Variants in NIBAN2 observed in about 807,000 individuals in gnomAD.
The protein encoded by NIBAN2 is protein Niban 2.
Under a neutral mutation model 81.8 loss-of-function variants are expected in NIBAN2, and 36 were observed. That is an observed-to-expected ratio of 0.44 (90% CI 0.34 to 0.58). NIBAN2 has a LOEUF of 0.58. Ranked by LOEUF, NIBAN2 falls within the 20% of genes least tolerant of loss-of-function variation. The pLI, the probability that NIBAN2 is intolerant of heterozygous loss-of-function variation, is 0.02. For synonymous variants in NIBAN2, 445 were observed against 441.6 expected (o/e 1.01, Z -0.10); for missense variants, 897 against 1,014.1 (o/e 0.88, Z 1.57).
At chr9:127,523,190 AAAATATATATATATATATATATATATAT>A (rs1836984486) in intron 5 of NIBAN2, among the ~76,000 whole-genome samples, 2 of 22,990 alleles carry the variant, frequency 8.7e-5, no homozygotes, top group Admixed American at 6.2e-4. Context: ...AAAAAAAAAA[AAAATATATATATATATATATATATATAT>A]ATATATATAT....
intron 1 of NIBAN2, among the ~76,000 whole-genome samples, chr9:127,542,313 G>A (rs564969757): frequency 2.0e-4 from 31 of 152,164 alleles, no homozygotes; most frequent in Non-Finnish European, 4.3e-4. Context: ...CTGGGTGGGA[G>A]CCCTCCACCT....
At chr9:127,552,890 C>T (rs527492114) in intron 1 of NIBAN2, among the ~76,000 whole-genome samples, 7 of 152,108 alleles carry the variant, frequency 4.6e-5, no homozygotes, top group Non-Finnish European at 8.8e-5. Context: ...CAGGGTTTCA[C>T]TATGTTGGCC....
chr9:127,565,227 G>A (rs1177529402), intron 1 of NIBAN2, among the ~76,000 whole-genome samples: 1 of 152,016 alleles, frequency 6.6e-6, no homozygotes, highest in African/African-American at 2.4e-5. Context: ...CTCCCAAAGT[G>A]CTGAGATTAC....
chr9:127,569,638 C>T (rs1344088042), upstream of NIBAN2, among the ~76,000 whole-genome samples: 3 of 152,010 alleles, frequency 2.0e-5, no homozygotes, highest in African/African-American at 4.8e-5. Context: ...CCCCAAGTCC[C>T]GCCCGCCACT....
intron 5 of NIBAN2, among the ~76,000 whole-genome samples, chr9:127,521,869 G>C (rs1836949679): frequency 6.6e-6 from 1 of 152,186 alleles, no homozygotes; most frequent in Non-Finnish European, 1.5e-5. Flanking sequence ...CCACGGCCAA[G>C]TGCCCCACCC....
rs1315273277 is a variant in NIBAN2, at chr9:127,515,525, AAAAAAAAAAAAAAACAAAC to A, written c.973+1313_973+1331del. ...GACAGAGCGAGACTCCGTCTCAAAA[AAAAAAAAAAAAAAACAAAC>A]AAAAAAAACAGGCCAGGCACAGTGG... is the stretch of plus-strand genomic sequence containing the variant. On this transcript the variant is annotated intron_variant, in intron 8 of 13. Coordinates refer to ENST00000373312, the MANE Select transcript of NIBAN2 (RefSeq NM_022833.4). 4.7e-3 allele frequency among the ~76,000 whole-genome samples: 314 copies of A among 67,466 alleles called. 3 individuals are homozygous for A. In the East Asian group the frequency reaches 0.05, roughly 11 times the overall value. The allele number at this position is 67,466 out of a possible 152,430, so 44.3% of individuals were successfully genotyped here. A position where few individuals can be genotyped will look rare whatever the true frequency, so the allele number is the denominator to read the frequency against.
At chr9:127,511,709 C>G (rs1023026575) in intron 8 of NIBAN2, among the ~76,000 whole-genome samples, 3 of 152,188 alleles carry the variant, frequency 2.0e-5, no homozygotes, top group Middle Eastern at 3.4e-3. Flanking sequence ...GGATCTCAAA[C>G]AAGTCTATAG....
chr9:127,569,035 C>T lies in NIBAN2; in HGVS notation c.-161G>A. Reference sequence around the variant, plus strand: ...CCGGCTGCGGCTTCCGCTCCGGCTCCGCTCCCGGTCGGGCCCCGTCCCTCC... The same window carrying T: ...CCGGCTGCGGCTTCCGCTCCGGCTCTGCTCCCGGTCGGGCCCCGTCCCTCC... On this transcript the variant is annotated 5_prime_UTR_variant, in exon 1 of 14. Transcript: ENST00000373312. The T allele has an allele frequency of 9.1e-7, 1 of 1,102,762 alleles. No homozygotes were observed. The highest frequency in any genetic ancestry group is 1.7e-5 in the African/African-American group (1 of 58,834). The allele number at this position is 1,102,762 out of a possible 1,614,324, so 68.3% of individuals were successfully genotyped here.
At chr9:127,576,466 C>T (rs1241060199) in intron 1 of NIBAN2, among the ~76,000 whole-genome samples, 1 of 152,118 alleles carries the variant, frequency 6.6e-6, no homozygotes, top group Admixed American at 6.6e-5. Flanking sequence ...GAAATAACTT[C>T]AGGATGATAA....
chr9:127,560,318 C>T (rs1837750478), intron 1 of NIBAN2, among the ~76,000 whole-genome samples: 1 of 152,162 alleles, frequency 6.6e-6, no homozygotes, highest in Non-Finnish European at 1.5e-5. Context: ...GCCACCCACC[C>T]TGTACACACA....
rs564853428 is a variant in NIBAN2 at position 127,520,525 on chromosome 9, AC to A, written c.590-2585del. ...AGCACTGGGATTACAGGCCTGAGCC[AC>A]CGCACCCGCCCTTGGTCCTAGAGTC... On this transcript the variant is annotated intron_variant, in intron 5 of 13. Coordinates refer to ENST00000373312, the MANE Select transcript of NIBAN2 (RefSeq NM_022833.4). Among the ~76,000 whole-genome samples the A allele has an allele frequency of 2.7e-3, 406 of 152,232 alleles. 4 individuals are homozygous for A. The highest frequency in any genetic ancestry group is 9.4e-3 in the African/African-American group (389 of 41,556).
chr9:127,516,938 G>A lies in NIBAN2; in HGVS notation c.892C>T (p.Gln298Ter). 6.2e-7 allele frequency: 1 copy of A among 1,614,164 alleles called. No individual in the cohort carries two copies. Among genetic ancestry groups the A allele is most frequent in the East Asian group, 2.2e-5 (1 of 44,886 alleles). Reference protein sequence around the residue: ...EEVLSKVQQVQPAMQAVIRTD... With the variant: ...EEVLSKVQQV ...CGGATGACGGCCTGCATGGCCGGCT[G>A]CACCTGCTGCACCTTGGACAGCACC... The change falls in exon 8 of 14, where the codon CAG becomes TAG. Residue 298 changes from glutamine (Q) to a stop codon, truncating the protein, a stop_gained. Transcript: ENST00000373312. LOFTEE classifies it high-confidence loss of function.
intron 1 of NIBAN2, among the ~76,000 whole-genome samples, chr9:127,534,952 C>T (rs1211579293): frequency 1.3e-5 from 2 of 152,172 alleles, no homozygotes; most frequent in African/African-American, 4.8e-5. Context: ...TAAACCCGTG[C>T]TACGGCAGGT....
chr9:127,522,415 G>A (rs925351608), intron 5 of NIBAN2, among the ~76,000 whole-genome samples: 1 of 152,134 alleles, frequency 6.6e-6, no homozygotes, highest in Non-Finnish European at 1.5e-5. Context: ...CTTCCCTCAG[G>A]CCAGATCACC....
intron 1 of NIBAN2, among the ~76,000 whole-genome samples, chr9:127,547,432 G>A (rs941333538): frequency 2.0e-5 from 3 of 152,130 alleles, no homozygotes; most frequent in Non-Finnish European, 2.9e-5. Context: ...CAGGAGAATC[G>A]CTTGAACCTA....
At chr9:127,567,334 C>T (rs926427043) in intron 1 of NIBAN2, among the ~76,000 whole-genome samples, 14 of 152,318 alleles carry the variant, frequency 9.2e-5, no homozygotes, top group Non-Finnish European at 1.3e-4. Context: ...AGGAAGACTC[C>T]GCCCTGGCCC....
upstream of NIBAN2, among the ~76,000 whole-genome samples, chr9:127,572,076 C>T (rs1235597800): frequency 6.6e-6 from 1 of 152,028 alleles, no homozygotes; most frequent in African/African-American, 2.4e-5. Flanking sequence ...TCTGTGTCGC[C>T]CAGGCTGGAG....
intron 1 of NIBAN2, among the ~76,000 whole-genome samples, chr9:127,541,847 C>T (rs1837384997): frequency 6.6e-6 from 1 of 152,102 alleles, no homozygotes; most frequent in Admixed American, 6.5e-5. Flanking sequence ...CCTGGGACCC[C>T]CCTTCTGGGC....
chr9:127,576,425 G>A (rs531747366), intron 1 of NIBAN2, among the ~76,000 whole-genome samples: 16 of 152,196 alleles, frequency 1.1e-4, no homozygotes, highest in Admixed American at 2.6e-4. Context: ...GCAGGGGGCC[G>A]CTGAAGTGCC....
Sources: allele counts gnomAD v4.1 joint callset (sites outside exome capture counted in the v4.1 genomes callset), GRCh38; gene constraint gnomAD v4.1.1; transcripts MANE v1.5; gene names NCBI Gene and HGNC (gene_info 2026-07-23, HGNC 2026-07-21).